Variants in MEI4 observed in about 807,000 individuals in gnomAD.
MEI4 encodes the protein meiotic double-stranded break formation protein 4.
A neutral mutation model predicts 31.4 loss-of-function variants in MEI4; 27 were observed. That is an observed-to-expected ratio of 0.86 (90% CI 0.63 to 1.19). MEI4 has a LOEUF of 1.19. Ranked by LOEUF, MEI4 falls within the 50% of genes most tolerant of loss-of-function variation. The probability of loss-of-function intolerance (pLI) is 0.00; values close to 1 mark genes in which losing one functional copy is unlikely to be tolerated. For missense variants in MEI4, 329 were observed against 398.9 expected (o/e 0.82, Z 1.49); for synonymous variants, 122 against 145.4 (o/e 0.84, Z 1.16).
chr6:77,771,436 G>A (rs1221746125), intron 3 of MEI4, among the ~76,000 whole-genome samples: 1 of 151,842 alleles, frequency 6.6e-6, no homozygotes, highest in Admixed American at 6.6e-5. Context: ...TTCATTATTG[G>A]GTATATACCC....
At chr6:77,835,286 G>T (rs546722218) in intron 4 of MEI4, among the ~76,000 whole-genome samples, 63 of 150,138 alleles carry the variant, frequency 4.2e-4, no homozygotes, top group Non-Finnish European at 8.0e-4. Flanking sequence ...CTTGAACCCA[G>T]GTGGAGGAGG....
At chr6:77,857,820 A>AAATGCAG (rs959643847) in intron 4 of MEI4, among the ~76,000 whole-genome samples, 20 of 152,322 alleles carry the variant, frequency 1.3e-4, no homozygotes, top group Middle Eastern at 3.4e-3. Flanking sequence ...TTTCTTTTTG[A>AAATGCAG]AATGCAGAAT....
At chr6:77,688,524 CA>C (rs1769100123) in intron 1 of MEI4, among the ~76,000 whole-genome samples, 1 of 152,094 alleles carries the variant, frequency 6.6e-6, no homozygotes, top group African/African-American at 2.4e-5. Context: ...AAATCATATG[CA>C]ACAACTTAAA....
chr6:77,780,394 A>C (rs982094035), intron 3 of MEI4, among the ~76,000 whole-genome samples: 67 of 152,204 alleles, frequency 4.4e-4, no homozygotes, highest in African/African-American at 1.5e-3. Flanking sequence ...TTTGTCATTA[A>C]ATCTATGCTG....
At chr6:77,790,742 T>C (rs1297612833) in intron 3 of MEI4, among the ~76,000 whole-genome samples, 5 of 152,094 alleles carry the variant, frequency 3.3e-5, no homozygotes, top group Non-Finnish European at 7.4e-5. Flanking sequence ...TTTTCTCAAA[T>C]ATATTTAATT....
At chr6:77,900,705 T>C (rs1766169783) in intron 4 of MEI4, among the ~76,000 whole-genome samples, 1 of 151,990 alleles carries the variant, frequency 6.6e-6, no homozygotes, top group African/African-American at 2.4e-5. Context: ...ATTTTATATA[T>C]ACATACTTAC....
intron 3 of MEI4, among the ~76,000 whole-genome samples, chr6:77,789,056 A>T (rs1241657555): frequency 6.6e-6 from 1 of 152,206 alleles, no homozygotes; most frequent in Non-Finnish European, 1.5e-5. Context: ...CAAAGCAGAG[A>T]TGTAGACCAA....
At chr6:77,761,752 C>A in intron 3 of MEI4, 87 bp downstream of exon 3, 1 of 945,580 alleles carries the variant, frequency 1.1e-6, no homozygotes, top group Non-Finnish European at 1.4e-6. Flanking sequence ...TGTCCCTTAG[C>A]CTTGTGGCTC....
chr6:77,889,834 G>A (rs572539045), intron 4 of MEI4, among the ~76,000 whole-genome samples: 8 of 152,344 alleles, frequency 5.3e-5, no homozygotes, highest in African/African-American at 1.7e-4. Context: ...AGCTCTAGCT[G>A]CGGCTAAAAG....
chr6:77,707,554 T>C lies in MEI4; in HGVS notation c.232+16651T>C, dbSNP rs1766360156. On this transcript the variant is annotated intron_variant, in intron 2 of 4. Coordinates refer to ENST00000684080, the MANE Select transcript of MEI4 (RefSeq NM_001322247.2). ...CAAGTGGGCTGTGGAGCAATCACTT[T>C]CTAGAGAGATTTGCTTGACTAAAAG... 2.0e-5 allele frequency among the ~76,000 whole-genome samples: 3 copies of C among 152,174 alleles called. No homozygotes were observed. The South Asian group carries it at 6.2e-4, about 32-fold the overall frequency.
intron 2 of MEI4, among the ~76,000 whole-genome samples, chr6:77,730,456 G>A (rs1465472119): frequency 2.0e-5 from 3 of 151,994 alleles, no homozygotes; most frequent in Non-Finnish European, 2.9e-5. Flanking sequence ...TATACTGCAA[G>A]TTTTTGACCC....
At chr6:77,810,208 T>C (rs1769542951) in intron 3 of MEI4, among the ~76,000 whole-genome samples, 1 of 152,180 alleles carries the variant, frequency 6.6e-6, no homozygotes. Context: ...TAATGAGTGT[T>C]GAGGTATATC....
chr6:77,753,170 A>G (rs552713600), intron 2 of MEI4, among the ~76,000 whole-genome samples: 1 of 152,324 alleles, frequency 6.6e-6, no homozygotes, highest in Admixed American at 6.5e-5. Flanking sequence ...CCTAGGCAAT[A>G]CCATTCAGGA....
intron 3 of MEI4, among the ~76,000 whole-genome samples, chr6:77,802,452 A>C (rs560989141): frequency 6.6e-6 from 1 of 152,212 alleles, no homozygotes; most frequent in South Asian, 2.1e-4. Flanking sequence ...TTTTAATTGG[A>C]GCATTTAGCC....
intron 2 of MEI4, among the ~76,000 whole-genome samples, chr6:77,730,739 C>T (rs112874932): frequency 0.2 from 30,598 of 150,948 alleles, 3,423 homozygotes; most frequent in African/African-American, 0.3. Context: ...AACTCGTCAT[C>T]TAGCATTAGG....
At chr6:77,846,266 T>C (rs907019041) in intron 4 of MEI4, among the ~76,000 whole-genome samples, 1 of 152,112 alleles carries the variant, frequency 6.6e-6, no homozygotes, top group Non-Finnish European at 1.5e-5. Flanking sequence ...AATTCTTTTT[T>C]AATTCTGTCC....
At chr6:77,679,597 A>G (rs1768913591) in intron 1 of MEI4, among the ~76,000 whole-genome samples, 1 of 152,136 alleles carries the variant, frequency 6.6e-6, no homozygotes, top group Admixed American at 6.5e-5. Context: ...GGATGAGAAG[A>G]CAGCAGTTGT....
intron 3 of MEI4, among the ~76,000 whole-genome samples, chr6:77,802,086 T>C (rs1422505078): frequency 6.6e-6 from 1 of 152,278 alleles, no homozygotes; most frequent in East Asian, 1.9e-4. Context: ...AGTCTCCCAT[T>C]ATTATTGTAT....
intron 4 of MEI4, among the ~76,000 whole-genome samples, chr6:77,842,170 C>T (rs368750404): frequency 2.6e-5 from 4 of 152,116 alleles, no homozygotes; most frequent in South Asian, 2.1e-4. Flanking sequence ...TTCTAGACCA[C>T]GAAACAAACT....
Sources: allele counts gnomAD v4.1 joint callset (sites outside exome capture counted in the v4.1 genomes callset), GRCh38; gene constraint gnomAD v4.1.1; transcripts MANE v1.5; gene names NCBI Gene and HGNC (gene_info 2026-07-23, HGNC 2026-07-21).